Variants in ZKSCAN7 observed in about 807,000 individuals in gnomAD.
ZKSCAN7 encodes zinc finger with KRAB and SCAN domains 7, also known as zinc finger protein with KRAB and SCAN domains 7.
In ZKSCAN7, 38 loss-of-function variants were observed where a neutral mutation model predicts 65.3. That is an observed-to-expected ratio of 0.58 (90% CI 0.45 to 0.76). The LOEUF (loss-of-function observed/expected upper bound fraction) is 0.76. Ranked by LOEUF, ZKSCAN7 falls within the 30% of genes least tolerant of loss-of-function variation. The pLI is 0.00. For missense variants in ZKSCAN7, 815 were observed against 913.3 expected (o/e 0.89, Z 1.39); for synonymous variants, 321 against 321.0 (o/e 1.00, Z 0.00).
At position 44,571,406 on chromosome 3, in the gene ZKSCAN7, C is replaced by A; in HGVS notation, c.*31C>A. 1.2e-6 allele frequency: 2 copies of A among 1,610,520 alleles called. No homozygotes were observed. Among genetic ancestry groups the A allele is most frequent in the African/African-American group, 1.3e-5 (1 of 75,020 alleles). On this transcript the variant is annotated 3_prime_UTR_variant, in exon 6 of 6. Coordinates refer to ENST00000426540, the MANE Select transcript of ZKSCAN7 (RefSeq NM_001288590.2). ...GGTTCTCTGAGACAGAGAGCAACGA[C>A]CTTTGAGTTAAGCTGTCTTTATAAG...
Position 44,571,312 on chromosome 3 carries a change from T to C in ZKSCAN7, c.2202T>C (p.Phe734=). 6.2e-7 allele frequency: 1 copy of C among 1,614,242 alleles called. No homozygotes were observed. The highest frequency in any genetic ancestry group is 8.5e-7 in the Non-Finnish European group (1 of 1,180,042). ...CGKAFSQRST[F]NHHQRTHTGE... Reference sequence around the variant, plus strand: ...AAGCCTTTAGTCAGCGTTCCACTTTTAATCACCACCAGCGAACTCACACTG... The same window carrying C: ...AAGCCTTTAGTCAGCGTTCCACTTTCAATCACCACCAGCGAACTCACACTG... The change falls in exon 6 of 6, where the codon TTT becomes TTC. Residue 734 remains phenylalanine, a synonymous_variant. Transcript: ENST00000426540.
At chr3:44,580,747 G>T in intron 5 of ZKSCAN7, 3 of 1,613,906 alleles carry the variant, frequency 1.9e-6, no homozygotes, top group Non-Finnish European at 2.5e-6. Context: ...GTGCCCTGAG[G>T]AAGGGTCGTG....
At chr3:44,579,166 A>G (rs1209533312) in intron 5 of ZKSCAN7, among the ~76,000 whole-genome samples, 2 of 152,204 alleles carry the variant, frequency 1.3e-5, no homozygotes, top group African/African-American at 2.4e-5. Context: ...GGTCGCTCAC[A>G]GGCAGCCCTG....
chr3:44,562,627 A>G (rs2125713344), intron 2 of ZKSCAN7, among the ~76,000 whole-genome samples: 1 of 152,340 alleles, frequency 6.6e-6, no homozygotes, highest in Non-Finnish European at 1.5e-5. Flanking sequence ...GTTCACAAAT[A>G]TGAGTGGACA....
At position 44,580,779 on chromosome 3, in the gene ZKSCAN7, C is replaced by T. The variant is rs1041229354; in HGVS notation, c.812-2193C>T. 100 of 1,612,556 alleles carry T rather than the reference C, an allele frequency of 6.2e-5. 1 individual carries two copies. Among genetic ancestry groups the T allele is most frequent in the Middle Eastern group, 1.6e-4 (1 of 6,072 alleles). ...CGTGGGCATCTCATCCAGGGCGTAGCGCAAGAGGCCATGCTCGTAAAGGAT... is the reference window on the plus strand; with the variant it reads ...CGTGGGCATCTCATCCAGGGCGTAGTGCAAGAGGCCATGCTCGTAAAGGAT... On this transcript the variant is annotated intron_variant, in intron 5 of 5. Coordinates refer to the ZKSCAN7 transcript ENST00000341840.
intron 2 of ZKSCAN7, among the ~76,000 whole-genome samples, chr3:44,558,537 AAAG>A (rs1365796429): frequency 1.3e-5 from 2 of 151,204 alleles, no homozygotes; most frequent in Non-Finnish European, 3.0e-5. Flanking sequence ...AAAAAAAAAA[AAAG>A]AAAAGAAAGA....
rs141473427 is a variant in ZKSCAN7, at chr3:44,579,915, C to A, written c.812-3057C>A. On this transcript the variant is annotated intron_variant, in intron 5 of 5. Transcript: ENST00000341840. ...ACGGAGGGCTCTGTGGACCTCCTGT[C>A]CAGTGACTTGGCTCTTCGGTGTGGA... The A allele has an allele frequency of 1.3e-4, 210 of 1,609,106 alleles. No homozygotes were observed. The East Asian group carries it at 4.6e-3, about 35-fold the overall frequency.
At chr3:44,556,447 G>A (rs1460966472) in intron 1 of ZKSCAN7, among the ~76,000 whole-genome samples, 1 of 152,154 alleles carries the variant, frequency 6.6e-6, no homozygotes, top group Non-Finnish European at 1.5e-5. Context: ...TCTTTATTTT[G>A]CATTTCTATC....
At chr3:44,558,461 G>T (rs1049654596) in intron 2 of ZKSCAN7, among the ~76,000 whole-genome samples, 1 of 151,352 alleles carries the variant, frequency 6.6e-6, no homozygotes, top group African/African-American at 2.4e-5. Flanking sequence ...GGAGGCAGAG[G>T]TTGCAGTAAG....
intron 5 of ZKSCAN7, chr3:44,580,199 G>C: frequency 6.2e-7 from 1 of 1,611,068 alleles, no homozygotes; most frequent in South Asian, 1.1e-5. Context: ...GCTGTTCTTC[G>C]GCCTTCAAGT....
intron 1 of ZKSCAN7, among the ~76,000 whole-genome samples, chr3:44,556,570 A>T (rs903728209): frequency 6.6e-6 from 1 of 152,258 alleles, no homozygotes; most frequent in African/African-American, 2.4e-5. Flanking sequence ...AATAGGAGTT[A>T]AATAACTTAG....
chr3:44,557,784 C>T (rs1392245295), intron 2 of ZKSCAN7, among the ~76,000 whole-genome samples: 2 of 152,108 alleles, frequency 1.3e-5, no homozygotes, highest in African/African-American at 4.8e-5. Flanking sequence ...GAAGGCGGGC[C>T]TTTGGGTATG....
chr3:44,575,317 C>T (rs571150543), downstream of ZKSCAN7, among the ~76,000 whole-genome samples: 2 of 152,118 alleles, frequency 1.3e-5, no homozygotes, highest in African/African-American at 2.4e-5. Flanking sequence ...GCATGTCCAC[C>T]ACTTTGTTAG....
At position 44,571,096 on chromosome 3, in the gene ZKSCAN7, C is replaced by G. The variant is rs539938290; in HGVS notation, c.1986C>G (p.Pro662=). ...IHQRIHTGEK[P]YECNECGKVF... Reference sequence around the variant, plus strand: ...AGAGAATTCACACTGGTGAGAAACCCTATGAATGTAATGAGTGTGGGAAGG... The same window carrying G: ...AGAGAATTCACACTGGTGAGAAACCGTATGAATGTAATGAGTGTGGGAAGG... Residue 662 remains proline (P), a synonymous_variant, in exon 6 of 6, where the codon CCC becomes CCG. Coordinates refer to ENST00000426540, the MANE Select transcript of ZKSCAN7 (RefSeq NM_001288590.2). The G allele has an allele frequency of 6.2e-7, 1 of 1,614,068 alleles. No individual in the cohort carries two copies. Among genetic ancestry groups the G allele is most frequent in the Admixed American group, 1.7e-5 (1 of 60,012 alleles).
intron 1 of ZKSCAN7, 88 bp downstream of exon 1, chr3:44,555,569 A>T (rs1224079876): frequency 6.6e-6 from 1 of 152,232 alleles, no homozygotes; most frequent in Admixed American, 6.5e-5. Flanking sequence ...ATGAACTGTC[A>T]TATTTGGGTC....
chr3:44,572,972 CT>C (rs1045439497), downstream of ZKSCAN7, among the ~76,000 whole-genome samples: 1 of 151,812 alleles, frequency 6.6e-6, no homozygotes, highest in Non-Finnish European at 1.5e-5. Flanking sequence ...TTGGAATTCA[CT>C]ATGACGAGGC....
At chr3:44,575,835 C>T (rs578078820), downstream of ZKSCAN7, among the ~76,000 whole-genome samples, 111 of 152,312 alleles carry the variant, frequency 7.3e-4, no homozygotes, top group East Asian at 4.2e-3. Flanking sequence ...GCCTCGGCCT[C>T]CCAAAGTGCT....
At chr3:44,575,533 G>A (rs1417370436), downstream of ZKSCAN7, among the ~76,000 whole-genome samples, 1 of 152,154 alleles carries the variant, frequency 6.6e-6, no homozygotes, top group Non-Finnish European at 1.5e-5. Flanking sequence ...AAATCTAAAA[G>A]TTCCCAAATA....
intron 5 of ZKSCAN7, among the ~76,000 whole-genome samples, chr3:44,581,946 G>A (rs531151765): frequency 2.0e-5 from 3 of 152,280 alleles, no homozygotes; most frequent in Admixed American, 6.5e-5. Context: ...ACTACAGAGC[G>A]TGCATTCCTG....
Sources: allele counts gnomAD v4.1 joint callset (sites outside exome capture counted in the v4.1 genomes callset), GRCh38; gene constraint gnomAD v4.1.1; transcripts MANE v1.5; gene names NCBI Gene and HGNC (gene_info 2026-07-23, HGNC 2026-07-21).